VIPR2: variants seen among roughly 807,000 people sequenced by gnomAD.
VIPR2 encodes vasoactive intestinal polypeptide receptor 2.
A neutral mutation model predicts 58.0 loss-of-function variants in VIPR2; 48 were observed. The observed-to-expected ratio is 0.83, with a 90% CI of 0.66 to 1.05. The LOEUF (loss-of-function observed/expected upper bound fraction) is 1.05, where lower values mean the gene tolerates loss of function less well. Among genes scored for constraint, VIPR2 ranks in the 50% least tolerant of loss-of-function variants. The pLI is 0.00. For synonymous variants in VIPR2, 243 were observed against 235.2 expected, an observed-to-expected ratio of 1.03 and a Z score of -0.30; for missense variants, 534 against 558.0, an observed-to-expected ratio of 0.96 and a Z score of 0.43.
At chr7:159,069,581 G>A (rs1856275552) in intron 4 of VIPR2, among the ~76,000 whole-genome samples, 1 of 152,010 alleles carries the variant, frequency 6.6e-6, no homozygotes, top group Non-Finnish European at 1.5e-5. Flanking sequence ...TACTAAGCCT[G>A]TGACTGGCCT....
At chr7:159,112,672 G>A (rs1796067307) in intron 2 of VIPR2, among the ~76,000 whole-genome samples, 1 of 151,860 alleles carries the variant, frequency 6.6e-6, no homozygotes, top group South Asian at 2.1e-4. Flanking sequence ...CGACTGTGAG[G>A]AGGCGGCTCA....
intron 10 of VIPR2, among the ~76,000 whole-genome samples, chr7:159,033,489 A>T (rs1018758522): frequency 3.3e-5 from 5 of 151,616 alleles, no homozygotes; most frequent in African/African-American, 1.2e-4. Context: ...TACCTTTTTA[A>T]AAAAAAATAA....
chr7:159,031,264 C>T lies in VIPR2; in HGVS notation c.1144-475G>A, dbSNP rs954932287. On this transcript the variant is annotated intron_variant, in intron 12 of 12. Coordinates refer to ENST00000262178, the MANE Select transcript of VIPR2 (RefSeq NM_003382.5). The surrounding 1 kb of genome is among the most constrained non-coding windows in gnomAD (Gnocchi z 4.0). The stretch of plus-strand genomic sequence containing the variant: ...TACTCGGGCTCAGCTTTGCAGAAGC[C>T]GTGCTGGTGAAAGCTGCATGTCAAG... Among the ~76,000 whole-genome samples the T allele has an allele frequency of 4.7e-5, 7 of 148,170 alleles. No individual in the cohort carries two copies. Among genetic ancestry groups the T allele is most frequent in the Non-Finnish European group, 7.5e-5 (5 of 67,044 alleles).
intron 3 of VIPR2, among the ~76,000 whole-genome samples, chr7:159,105,879 T>C (rs1858613174): frequency 6.6e-6 from 1 of 152,220 alleles, no homozygotes; most frequent in African/African-American, 2.4e-5. Flanking sequence ...ATAATAATAC[T>C]AGTCATGTGG....
chr7:159,057,425 C>A (rs1273713297), intron 5 of VIPR2, among the ~76,000 whole-genome samples: 1 of 152,130 alleles, frequency 6.6e-6, no homozygotes, highest in Non-Finnish European at 1.5e-5. Flanking sequence ...AGTTGAGATG[C>A]CTGAACAATA....
chr7:159,043,206 T>C (rs756773092), intron 5 of VIPR2, 30 bp from the exon 6 acceptor site: 7 of 1,556,014 alleles, frequency 4.5e-6, no homozygotes, highest in Admixed American at 1.8e-5. Flanking sequence ...GAGAGAGGAA[T>C]TGGAGGGGGA....
chr7:159,062,659 A>G (rs1855765633), intron 4 of VIPR2, among the ~76,000 whole-genome samples: 1 of 152,108 alleles, frequency 6.6e-6, no homozygotes, highest in South Asian at 2.1e-4. Flanking sequence ...TGACCCAAAG[A>G]ACAAGCAGCA....
intron 2 of VIPR2, among the ~76,000 whole-genome samples, chr7:159,122,095 G>A (rs563268860): frequency 6.6e-6 from 1 of 152,304 alleles, no homozygotes; most frequent in East Asian, 1.9e-4. Context: ...GGAAAGAGAC[G>A]CTTTTATGCG....
At chr7:159,035,377 T>C (rs1585328222) in intron 8 of VIPR2, among the ~76,000 whole-genome samples, 1 of 152,206 alleles carries the variant, frequency 6.6e-6, no homozygotes, top group Admixed American at 6.5e-5. Context: ...AACTAGACGG[T>C]GGGTGTTTTA....
intron 10 of VIPR2, among the ~76,000 whole-genome samples, chr7:159,033,220 G>C (rs1205612671): frequency 6.6e-6 from 1 of 152,172 alleles, no homozygotes; most frequent in African/African-American, 2.4e-5. Flanking sequence ...GCCGGTATCT[G>C]CACCCAGCTT....
chr7:159,118,246 G>A (rs6950857), intron 2 of VIPR2, among the ~76,000 whole-genome samples: 22,845 of 152,108 alleles, frequency 0.15, 3,604 homozygotes, highest in African/African-American at 0.41. Flanking sequence ...TGCAATCCTC[G>A]CCGCTTCTGC....
rs182059967 is a variant in VIPR2, at chr7:159,049,432, C to T, written c.456-6256G>A. Among the ~76,000 whole-genome samples, 533 of 152,230 alleles carry T rather than the reference C, an allele frequency of 3.5e-3. 7 individuals are homozygous for T. The highest frequency in any genetic ancestry group is 0.012 in the African/African-American group (514 of 41,542). On this transcript the variant is annotated intron_variant, in intron 5 of 12. Coordinates refer to ENST00000262178, the MANE Select transcript of VIPR2 (RefSeq NM_003382.5). ...AGGGCACTGTGGGGAGCGCCTGGGC[C>T]CTCCAGGGCCTCCGTGGGTATCTGC...
At chr7:159,102,903 C>A (rs1167476449) in intron 4 of VIPR2, among the ~76,000 whole-genome samples, 1 of 152,236 alleles carries the variant, frequency 6.6e-6, no homozygotes, top group Non-Finnish European at 1.5e-5. Flanking sequence ...GCACACTCTG[C>A]ACACACCTCT....
At chr7:159,073,767 C>T (rs142520992) in intron 4 of VIPR2, among the ~76,000 whole-genome samples, 108 of 152,276 alleles carry the variant, frequency 7.1e-4, no homozygotes, top group African/African-American at 2.5e-3. Flanking sequence ...TAGAACAATT[C>T]CTTTCAGGCA....
chr7:159,144,053 C>T (rs1797586416), intron 1 of VIPR2, among the ~76,000 whole-genome samples: 1 of 152,244 alleles, frequency 6.6e-6, no homozygotes, highest in Non-Finnish European at 1.5e-5. Context: ...AAACCGCGCG[C>T]ACCGCAAACC....
chr7:159,072,833 T>C (rs1311934334), intron 4 of VIPR2, among the ~76,000 whole-genome samples: 1 of 152,220 alleles, frequency 6.6e-6, no homozygotes. Context: ...TGAGGAACAT[T>C]ATTTTACACA....
At chr7:159,144,320 A>G in intron 1 of VIPR2, 1 of 1,521,566 alleles carries the variant, frequency 6.6e-7, no homozygotes, top group Non-Finnish European at 8.8e-7. Flanking sequence ...GGAGGGACCG[A>G]GAGGCATCTG....
chr7:159,105,641 G>C (rs1858601550), intron 3 of VIPR2, among the ~76,000 whole-genome samples: 1 of 152,082 alleles, frequency 6.6e-6, no homozygotes, highest in South Asian at 2.1e-4. Context: ...TCACCAATCA[G>C]GGGCTCTGAC....
intron 3 of VIPR2, among the ~76,000 whole-genome samples, chr7:159,108,395 T>C (rs1795855651): frequency 6.6e-6 from 1 of 152,208 alleles, no homozygotes; most frequent in South Asian, 2.1e-4. Flanking sequence ...TTGTGATCAG[T>C]TGAAAAAGCA....
Sources: allele counts gnomAD v4.1 joint callset (sites outside exome capture counted in the v4.1 genomes callset), GRCh38; gene constraint gnomAD v4.1.1; non-coding constraint Gnocchi (gnomAD v3.1); transcripts MANE v1.5; gene names NCBI Gene and HGNC (gene_info 2026-07-23, HGNC 2026-07-21).